The following ADAMTS18 variants were observed in gnomAD, a reference collection of about 807,000 sequenced individuals.
ADAMTS18 encodes ADAM metallopeptidase with thrombospondin type 1 motif 18, also known as A disintegrin and metalloproteinase with thrombospondin motifs 18.
ADAMTS18 carries 157 observed loss-of-function variants against 165.9 expected under a neutral mutation model. The observed-to-expected ratio is 0.95, with a 90% CI of 0.83 to 1.08. The LOEUF is 1.08. Ranked by LOEUF, ADAMTS18 falls within the 50% of genes least tolerant of loss-of-function variation. The pLI is 0.00. For synonymous variants in ADAMTS18, 782 were observed against 578.2 expected (o/e 1.35, Z -5.06); for missense variants, 2,040 against 1,534.0 (o/e 1.33, Z -5.51).
intron 4 of ADAMTS18, among the ~76,000 whole-genome samples, chr16:77,364,782 C>G (rs527709541): frequency 1.3e-5 from 2 of 149,494 alleles, no homozygotes; most frequent in Non-Finnish European, 3.0e-5. Flanking sequence ...CAAAGGAAAG[C>G]AAAGCAAAGC....
At chr16:77,300,988 T>C (rs1429300254) in intron 16 of ADAMTS18, among the ~76,000 whole-genome samples, 1 of 152,176 alleles carries the variant, frequency 6.6e-6, no homozygotes, top group Non-Finnish European at 1.5e-5. Context: ...CAATATACTT[T>C]CCATAGAAAA....
chr16:77,301,937 C>CAATAAAA (rs2055590876), intron 16 of ADAMTS18, among the ~76,000 whole-genome samples: 1 of 139,894 alleles, frequency 7.1e-6, no homozygotes, highest in South Asian at 2.4e-4. Context: ...TATCAGTTGC[C>CAATAAAA]AATAAAAAAA....
At position 77,322,371 on chromosome 16, in the gene ADAMTS18, T is replaced by G. The variant is rs760998278; in HGVS notation, c.2128A>C (p.Asn710His). 8.7e-6 allele frequency: 14 copies of G among 1,613,790 alleles called. No individual in the cohort carries two copies. The highest frequency in any genetic ancestry group is 1.2e-5 in the Non-Finnish European group (14 of 1,179,962). ...CCGTCAATACAAACATCATTTTTGT[T>G]TGGGGAGCAGGGAGTTCCATCTTTC... is the stretch of plus-strand genomic sequence containing the variant. ...KVKDGTPCSP[N>H]KNDVCIDGVC... is the part of the protein sequence containing the mutation. Residue 710 changes from asparagine (N) to histidine (H), a missense_variant, in exon 14 of 23, where the codon AAC (asparagine) becomes CAC (histidine). By Grantham distance (68) the Asn-to-His change is moderately conservative. Transcript: ENST00000282849.
intron 3 of ADAMTS18, among the ~76,000 whole-genome samples, chr16:77,392,179 A>G (rs2144791436): frequency 6.6e-6 from 1 of 152,328 alleles, no homozygotes; most frequent in South Asian, 2.1e-4. Flanking sequence ...CCTCTGCTCC[A>G]AACCCTTGGC....
intron 16 of ADAMTS18, among the ~76,000 whole-genome samples, chr16:77,303,769 C>T (rs1032541747): frequency 2.0e-4 from 31 of 152,326 alleles, no homozygotes; most frequent in Middle Eastern, 3.4e-3. Flanking sequence ...CGCGGGGGCT[C>T]GCGCCTGTAA....
In ADAMTS18 at chr16:77,284,068, T is replaced by A; in HGVS notation, c.3554A>T (p.Asp1185Val). The change falls in exon 23 of 23, where the codon GAT becomes GTT. Residue 1185 changes from aspartate to valine, a missense_variant. By Grantham distance (152) the Asp-to-Val change is radical (BLOSUM62 -3). Transcript: ENST00000282849. The part of the protein sequence containing the change: ...NFCPAPEKRE[D>V]PSCVDFFNWC... ...GTTGAAGAAATCTACGCAGGATGGA[T>A]CCTCTAAAATAAGAAAATATATTTA... The A allele has an allele frequency of 6.2e-7, 1 of 1,605,336 alleles. No individual in the cohort carries two copies. The highest frequency in any genetic ancestry group is 8.5e-7 in the Non-Finnish European group (1 of 1,172,240).
In ADAMTS18 at chr16:77,402,902, CA is replaced by C. The variant is rs201337167; in HGVS notation, c.495+28392del. On this transcript the variant is annotated intron_variant, in intron 3 of 22. Transcript: ENST00000282849. ...TCCAGCTTCCTCATGGGAAATGCCC[CA>C]AATGTCACTGAAACACAACCTCTCT... Among the ~76,000 whole-genome samples the C allele has an allele frequency of 5.9e-5, 9 of 152,262 alleles. No individual in the cohort carries two copies. The East Asian group carries it at 1.7e-3, about 29-fold the overall frequency.
intron 7 of ADAMTS18, 98 bp from the exon 8 acceptor site, chr16:77,359,521 T>A: frequency 1.0e-6 from 1 of 997,526 alleles, no homozygotes; most frequent in Non-Finnish European, 1.5e-6. Context: ...AGTTTTAGTT[T>A]AATAGATCAA....
chr16:77,288,399 A>ATT (rs72443461), intron 22 of ADAMTS18, among the ~76,000 whole-genome samples: 10,857 of 149,686 alleles, frequency 0.073, 855 homozygotes, highest in East Asian at 0.21. Flanking sequence ...CTACAGAGCT[A>ATT]TTTTTTTTTT....
At chr16:77,334,479 T>C (rs1466815307) in intron 12 of ADAMTS18, among the ~76,000 whole-genome samples, 1 of 112,110 alleles carries the variant, frequency 8.9e-6, no homozygotes, top group African/African-American at 3.7e-5. Flanking sequence ...TATATTATAG[T>C]ATATATTATA....
At chr16:77,378,989 C>T (rs985132141) in intron 3 of ADAMTS18, 5 of 152,062 alleles carry the variant, frequency 3.3e-5, no homozygotes, top group African/African-American at 1.2e-4. Context: ...CCTGAAAAGA[C>T]ACATATTGAT....
At chr16:77,394,955 A>C (rs2057237615) in intron 3 of ADAMTS18, among the ~76,000 whole-genome samples, 1 of 152,126 alleles carries the variant, frequency 6.6e-6, no homozygotes, top group Admixed American at 6.5e-5. Context: ...TGTTCCTTCC[A>C]CCATTTCTAT....
chr16:77,314,169 C>A (rs1190312331), intron 16 of ADAMTS18, among the ~76,000 whole-genome samples: 2 of 152,104 alleles, frequency 1.3e-5, no homozygotes, highest in Admixed American at 6.6e-5. Flanking sequence ...GACTGGGTAT[C>A]TCCAGTTAGG....
At chr16:77,392,653 G>A (rs2057204343) in intron 3 of ADAMTS18, among the ~76,000 whole-genome samples, 1 of 152,050 alleles carries the variant, frequency 6.6e-6, no homozygotes. Context: ...AGGGATACAG[G>A]CACTGCTGTA....
chr16:77,382,593 G>A (rs995607002), intron 3 of ADAMTS18, among the ~76,000 whole-genome samples: 2 of 152,276 alleles, frequency 1.3e-5, no homozygotes, highest in Admixed American at 1.3e-4. Context: ...TCAATCTAGG[G>A]AAGATGAAAG....
intron 3 of ADAMTS18, among the ~76,000 whole-genome samples, chr16:77,384,760 A>G (rs1037832893): frequency 1.3e-5 from 2 of 152,216 alleles, no homozygotes; most frequent in Non-Finnish European, 2.9e-5. Context: ...AGAAACGTAT[A>G]TAGTAAGCTA....
At chr16:77,423,307 T>C (rs1380178068) in intron 3 of ADAMTS18, among the ~76,000 whole-genome samples, 1 of 152,214 alleles carries the variant, frequency 6.6e-6, no homozygotes, top group Non-Finnish European at 1.5e-5. Context: ...GAAACTCTTT[T>C]CTGCCTGTGG....
chr16:77,401,941 G>A (rs563805052), intron 3 of ADAMTS18, among the ~76,000 whole-genome samples: 1 of 152,294 alleles, frequency 6.6e-6, no homozygotes, highest in South Asian at 2.1e-4. Context: ...CAGCCTTGGA[G>A]TAAGAGTTAC....
intron 8 of ADAMTS18, 92 bp from the exon 9 acceptor site, chr16:77,356,169 A>G: frequency 6.5e-7 from 1 of 1,536,506 alleles, no homozygotes; most frequent in Non-Finnish European, 9.0e-7. Context: ...TTGATCATCA[A>G]CAAAACCAAG....
Sources: allele counts gnomAD v4.1 joint callset (sites outside exome capture counted in the v4.1 genomes callset), GRCh38; gene constraint gnomAD v4.1.1; transcripts MANE v1.5; gene names NCBI Gene and HGNC (gene_info 2026-07-23, HGNC 2026-07-21).